GRM1: variants seen among roughly 807,000 people sequenced by gnomAD.
The protein encoded by GRM1 is metabotropic glutamate receptor 1.
GRM1 carries 33 observed loss-of-function variants against 90.9 expected under a neutral mutation model. The ratio of observed to expected loss-of-function variants is 0.36; its 90% CI spans 0.28 to 0.49. GRM1 has a LOEUF of 0.49. Ranked by LOEUF, GRM1 falls within the 20% of genes least tolerant of loss-of-function variation. GRM1 has a pLI of 0.99. For synonymous variants in GRM1, 700 were observed against 613.2 expected (o/e 1.14, Z -2.09); for missense variants, 1,190 against 1,534.3 (o/e 0.78, Z 3.75).
At chr6:146,278,952 G>A (rs894972329) in intron 2 of GRM1, among the ~76,000 whole-genome samples, 1 of 152,066 alleles carries the variant, frequency 6.6e-6, no homozygotes, top group African/African-American at 2.4e-5. Flanking sequence ...TAATCCGCCC[G>A]CCTCGGCCTC....
chr6:146,406,300 A>C (rs924869844), intron 7 of GRM1, among the ~76,000 whole-genome samples: 11 of 152,144 alleles, frequency 7.2e-5, no homozygotes, highest in African/African-American at 2.7e-4. Flanking sequence ...TTGATGTGTA[A>C]TGGTTGGTAT....
intron 2 of GRM1, among the ~76,000 whole-genome samples, chr6:146,298,913 G>A (rs1460771001): frequency 6.6e-6 from 1 of 152,170 alleles, no homozygotes; most frequent in Non-Finnish European, 1.5e-5. Context: ...ATATACAGTA[G>A]ATAGCTGAAA....
chr6:146,231,486 C>A (rs1780449686), intron 2 of GRM1, among the ~76,000 whole-genome samples: 1 of 151,872 alleles, frequency 6.6e-6, no homozygotes, highest in East Asian at 1.9e-4. Context: ...CAGATAATTT[C>A]AACAAAGAGA....
At chr6:146,292,679 T>C (rs1417004177) in intron 2 of GRM1, among the ~76,000 whole-genome samples, 3 of 151,982 alleles carry the variant, frequency 2.0e-5, no homozygotes, top group Non-Finnish European at 4.4e-5. Context: ...GAATGTAGAA[T>C]AGTGCAGCTG....
intron 1 of GRM1, among the ~76,000 whole-genome samples, chr6:146,049,063 C>T (rs867757847): frequency 1.3e-5 from 2 of 151,128 alleles, no homozygotes; most frequent in Non-Finnish European, 2.9e-5. Context: ...AAAAAAAAAA[C>T]TAGTGTTCAC....
At chr6:146,196,668 G>C (rs1179844050) in intron 2 of GRM1, among the ~76,000 whole-genome samples, 2 of 151,914 alleles carry the variant, frequency 1.3e-5, no homozygotes, top group Non-Finnish European at 2.9e-5. Flanking sequence ...CTGGGAACTT[G>C]TTAGAAATGA....
At chr6:146,321,865 C>T (rs1247480088) in intron 3 of GRM1, among the ~76,000 whole-genome samples, 1 of 152,112 alleles carries the variant, frequency 6.6e-6, no homozygotes, top group South Asian at 2.1e-4. Context: ...TGTCTTTGCA[C>T]GTGAGATGGG....
chr6:146,381,397 T>C (rs972589663), intron 5 of GRM1, among the ~76,000 whole-genome samples: 1 of 152,192 alleles, frequency 6.6e-6, no homozygotes, highest in Non-Finnish European at 1.5e-5. Context: ...TTCCCTTCTA[T>C]TCTAACAGGA....
At chr6:146,049,344 T>C (rs913967554) in intron 1 of GRM1, among the ~76,000 whole-genome samples, 1 of 151,946 alleles carries the variant, frequency 6.6e-6, no homozygotes, top group African/African-American at 2.4e-5. Flanking sequence ...CCCTCAATAA[T>C]GAAATAAGCT....
At chr6:146,362,052 G>A (rs1775499518) in intron 5 of GRM1, among the ~76,000 whole-genome samples, 1 of 152,156 alleles carries the variant, frequency 6.6e-6, no homozygotes. Flanking sequence ...CTGGCCTCCT[G>A]TTCTTTCTTC....
At chr6:146,059,122 C>T (rs868652039) in intron 1 of GRM1, among the ~76,000 whole-genome samples, 23 of 152,084 alleles carry the variant, frequency 1.5e-4, no homozygotes, top group African/African-American at 4.3e-4. Flanking sequence ...CACTTTCATA[C>T]GGTTTTCAAT....
intron 2 of GRM1, among the ~76,000 whole-genome samples, chr6:146,240,034 T>C (rs186620361): frequency 6.6e-6 from 1 of 152,168 alleles, no homozygotes; most frequent in African/African-American, 2.4e-5. Context: ...TAATACTTAC[T>C]TGTGAGATGT....
At chr6:146,124,884 CT>C (rs1776139087) in intron 1 of GRM1, among the ~76,000 whole-genome samples, 1 of 152,110 alleles carries the variant, frequency 6.6e-6, no homozygotes, top group Non-Finnish European at 1.5e-5. Flanking sequence ...AGAAACATTG[CT>C]TAGGTTTCTT....
At chr6:146,254,531 G>T (rs1289547079) in intron 2 of GRM1, among the ~76,000 whole-genome samples, 1 of 152,152 alleles carries the variant, frequency 6.6e-6, no homozygotes, top group Non-Finnish European at 1.5e-5. Context: ...AGCAAGAAAT[G>T]CATTTTACAT....
chr6:146,335,378 C>T (rs951438889), intron 3 of GRM1, among the ~76,000 whole-genome samples: 2 of 152,134 alleles, frequency 1.3e-5, no homozygotes, highest in East Asian at 1.9e-4. Flanking sequence ...TAAGGGTCAA[C>T]GAAGTGACAC....
chr6:146,286,941 T>G (rs1276145497), intron 2 of GRM1, among the ~76,000 whole-genome samples: 3 of 152,152 alleles, frequency 2.0e-5, no homozygotes, highest in African/African-American at 7.2e-5. Context: ...ATAATGAAAA[T>G]AAAATGTTTT....
At chr6:146,075,078 G>T (rs1776139711) in intron 1 of GRM1, among the ~76,000 whole-genome samples, 1 of 152,046 alleles carries the variant, frequency 6.6e-6, no homozygotes, top group African/African-American at 2.4e-5. Flanking sequence ...CATAAACTGG[G>T]TTTCTTTGAT....
chr6:146,056,599 C>G (rs1029941863), intron 1 of GRM1, among the ~76,000 whole-genome samples: 1 of 152,042 alleles, frequency 6.6e-6, no homozygotes, highest in Non-Finnish European at 1.5e-5. Context: ...CGGCATGTCA[C>G]GCTTTTACTC....
At chr6:146,133,585 C>T (rs1217624883) in intron 1 of GRM1, among the ~76,000 whole-genome samples, 1 of 152,186 alleles carries the variant, frequency 6.6e-6, no homozygotes, top group African/African-American at 2.4e-5. Flanking sequence ...TTTTCCCTCT[C>T]AGGAGTCCTC....
Sources: allele counts gnomAD v4.1 joint callset (sites outside exome capture counted in the v4.1 genomes callset), GRCh38; gene constraint gnomAD v4.1.1; transcripts MANE v1.5; gene names NCBI Gene and HGNC (gene_info 2026-07-23, HGNC 2026-07-21).